Variants in RYR3 observed in about 807,000 individuals in gnomAD.
RYR3 encodes brain ryanodine receptor-calcium release channel.
Under a neutral mutation model 584.3 loss-of-function variants are expected in RYR3, and 207 were observed. The ratio of observed to expected loss-of-function variants is 0.35; its 90% CI spans 0.32 to 0.40. The LOEUF is 0.40. RYR3 is among the 10% of genes least tolerant of loss of function. The pLI is 1.00. For synonymous variants in RYR3, 2,416 were observed against 2,248.5 expected (o/e 1.07, Z -2.11); for missense variants, 5,616 against 6,089.2 (o/e 0.92, Z 2.59).
chr15:33,790,148 G>A (rs1439581036), intron 67 of RYR3, among the ~76,000 whole-genome samples: 3 of 151,070 alleles, frequency 2.0e-5, no homozygotes, highest in Admixed American at 6.6e-5. Context: ...ACACCACCAC[G>A]CCCAGCTAAT....
At chr15:33,675,207 C>G (rs1424755582) in intron 38 of RYR3, among the ~76,000 whole-genome samples, 1 of 152,358 alleles carries the variant, frequency 6.6e-6, no homozygotes, top group South Asian at 2.1e-4. Flanking sequence ...CTAACACTTA[C>G]GTGGTACCCA....
chr15:33,403,865 C>T (rs2042843703), intron 1 of RYR3, among the ~76,000 whole-genome samples: 1 of 152,068 alleles, frequency 6.6e-6, no homozygotes, highest in Admixed American at 6.6e-5. Flanking sequence ...CTGAGTTTAT[C>T]CTTTAACTAA....
intron 16 of RYR3, among the ~76,000 whole-genome samples, chr15:33,595,766 A>G (rs2059341051): frequency 6.6e-6 from 1 of 152,190 alleles, no homozygotes; most frequent in South Asian, 2.1e-4. Flanking sequence ...TGTTACAAGA[A>G]CTTTAAAAGC....
chr15:33,774,688 G>A (rs766485047), intron 64 of RYR3, among the ~76,000 whole-genome samples: 26 of 152,128 alleles, frequency 1.7e-4, no homozygotes, highest in African/African-American at 3.1e-4. Context: ...TAATGGCTGC[G>A]TTTGTTTTTA....
chr15:33,678,513 C>G (rs755497919), intron 38 of RYR3, among the ~76,000 whole-genome samples: 24 of 152,202 alleles, frequency 1.6e-4, no homozygotes, highest in Admixed American at 5.2e-4. Flanking sequence ...AACCTCTCTT[C>G]TTCATAAATT....
chr15:33,637,253 T>C (rs935323690), intron 27 of RYR3, among the ~76,000 whole-genome samples: 5 of 152,218 alleles, frequency 3.3e-5, no homozygotes, highest in Non-Finnish European at 7.3e-5. Flanking sequence ...ACAAGCTCAT[T>C]GGCTCCCAAG....
At chr15:33,817,523 C>A (rs1596776058) in intron 75 of RYR3, among the ~76,000 whole-genome samples, 1 of 152,290 alleles carries the variant, frequency 6.6e-6, no homozygotes. Flanking sequence ...TTGGCCAGCC[C>A]TGTGGTTCTT....
At chr15:33,734,675 T>C (rs1021258761) in intron 48 of RYR3, among the ~76,000 whole-genome samples, 3 of 147,176 alleles carry the variant, frequency 2.0e-5, no homozygotes, top group Non-Finnish European at 4.5e-5. Context: ...TTGGAGAAAT[T>C]CGATTTTTTT....
chr15:33,849,109 T>C (rs7174516), intron 94 of RYR3: 136,310 of 152,094 alleles, frequency 0.9, 61,277 homozygotes, highest in Non-Finnish European at 0.93. Context: ...GTGCTGGGAT[T>C]ACAGGCATGA....
chr15:33,657,184 T>TA (rs2062866139), intron 32 of RYR3, among the ~76,000 whole-genome samples: 1 of 152,160 alleles, frequency 6.6e-6, no homozygotes, highest in South Asian at 2.1e-4. Context: ...TGGTGGAAAA[T>TA]AAACCTATCC....
intron 17 of RYR3, among the ~76,000 whole-genome samples, chr15:33,602,859 C>A (rs1362408592): frequency 6.7e-6 from 1 of 150,210 alleles, no homozygotes; most frequent in African/African-American, 2.4e-5. Flanking sequence ...AGTTCTCCAA[C>A]CTCACCCTCG....
chr15:33,366,783 TCTA>T (rs1419850444), intron 1 of RYR3, among the ~76,000 whole-genome samples: 1 of 152,152 alleles, frequency 6.6e-6, no homozygotes, highest in Admixed American at 6.5e-5. Flanking sequence ...GCAGGAGAAT[TCTA>T]CTACTTACAA....
intron 18 of RYR3, among the ~76,000 whole-genome samples, chr15:33,608,887 G>A (rs1156906635): frequency 6.6e-6 from 1 of 152,256 alleles, no homozygotes; most frequent in Non-Finnish European, 1.5e-5. Flanking sequence ...GAATAAGCCA[G>A]ACGGGGGAAA....
intron 68 of RYR3, among the ~76,000 whole-genome samples, 157 bp from the exon 69 acceptor site, chr15:33,801,712 C>T (rs1477782930): frequency 6.6e-6 from 1 of 152,170 alleles, no homozygotes; most frequent in East Asian, 1.9e-4. Flanking sequence ...GCCTGACCCC[C>T]TCTTCCCATA....
intron 49 of RYR3, among the ~76,000 whole-genome samples, chr15:33,738,061 C>G (rs1169343678): frequency 6.6e-6 from 1 of 152,156 alleles, no homozygotes; most frequent in African/African-American, 2.4e-5. Context: ...CCCCAAAGAT[C>G]TTCCAGAATT....
At position 33,866,009 on chromosome 15, in the gene RYR3, T is replaced by C. The variant is rs1168225447; in HGVS notation, c.*783T>C. 1 of 153,052 alleles carries C rather than the reference T, an allele frequency of 6.5e-6. No homozygotes were observed. The highest frequency in any genetic ancestry group is 2.4e-5 in the African/African-American group (1 of 41,462). The allele number at this position is 153,052 out of a possible 1,614,324, so 9.5% of individuals were successfully genotyped here. A position where few individuals can be genotyped will look rare whatever the true frequency, so the allele number is the denominator to read the frequency against. The stretch of plus-strand genomic sequence containing the variant: ...CTTATGCCAAAATGGAGTAATGCTT[T>C]ATGGTCCCTTGTAAGTAGTGGAGCT... On this transcript the variant is annotated 3_prime_UTR_variant, in exon 104 of 104. Transcript: ENST00000634891.
chr15:33,566,581 G>A (rs926812343), intron 11 of RYR3, 97 bp from the exon 12 acceptor site: 1 of 1,319,682 alleles, frequency 7.6e-7, no homozygotes, highest in Non-Finnish European at 1.1e-6. Context: ...TTTGGAGAAA[G>A]GAATAAGAGG....
intron 26 of RYR3, 123 bp from the exon 27 acceptor site, chr15:33,636,253 G>C (rs2061492598): frequency 1.2e-6 from 1 of 844,008 alleles, no homozygotes; most frequent in Admixed American, 2.3e-5. Context: ...GGTTATCCTT[G>C]AGTGTCCCCT....
intron 2 of RYR3, among the ~76,000 whole-genome samples, chr15:33,503,028 G>T (rs2052137199): frequency 6.6e-6 from 1 of 152,200 alleles, no homozygotes; most frequent in African/African-American, 2.4e-5. Context: ...ATGTCACGAT[G>T]TTAACTGGTC....
Sources: gnomAD v4.1 joint callset for allele counts (sites outside exome capture counted in the v4.1 genomes callset) on GRCh38, gnomAD v4.1.1 for gene constraint, MANE v1.5 for transcripts, NCBI Gene and HGNC (gene_info 2026-07-23, HGNC 2026-07-21) for gene names.